CCDC152: variants seen among roughly 807,000 people sequenced by gnomAD.
CCDC152 encodes coiled-coil domain containing 152, also known as coiled-coil domain-containing protein 152.
A neutral mutation model predicts 38.1 loss-of-function variants in CCDC152; 37 were observed. The observed-to-expected ratio is 0.97, with a 90% CI of 0.75 to 1.28. The LOEUF (loss-of-function observed/expected upper bound fraction) is 1.28. Ranked by LOEUF, CCDC152 falls within the 50% of genes most tolerant of loss-of-function variation. The pLI is 0.00. For synonymous variants in CCDC152, 83 were observed against 87.1 expected, an observed-to-expected ratio of 0.95 and a Z score of 0.26; for missense variants, 259 against 292.1, an observed-to-expected ratio of 0.89 and a Z score of 0.83.
rs1760129160 is a variant in CCDC152 at position 42,799,442 on chromosome 5, A to C, written c.626A>C (p.Gln209Pro). 1.3e-6 allele frequency: 2 copies of C among 1,541,816 alleles called. No homozygotes were observed. Among genetic ancestry groups the C allele is most frequent in the East Asian group, 4.9e-5 (2 of 40,682 alleles). The change falls in exon 8 of 9, where the codon CAA becomes CCA. Residue 209 changes from glutamine (Q) to proline (P), a missense_variant. Transcript: ENST00000361970. ...KSYQDSTVLPQSIYRRKLQHF... is the reference protein window; with the variant it reads ...KSYQDSTVLPPSIYRRKLQHF... ...TATCAGGATTCTACTGTTTTGCCACAAAGTATCTACAGAAGGGTATGTGAG... is the reference window on the plus strand; with the variant it reads ...TATCAGGATTCTACTGTTTTGCCACCAAGTATCTACAGAAGGGTATGTGAG...
chr5:42,757,604 C>T (rs1202290119), intron 1 of CCDC152, among the ~76,000 whole-genome samples: 1 of 152,128 alleles, frequency 6.6e-6, no homozygotes, highest in East Asian at 1.9e-4. Flanking sequence ...AGGGCAAGAC[C>T]ATATTCACTG....
At chr5:42,765,031 A>T (rs759545920) in intron 3 of CCDC152, among the ~76,000 whole-genome samples, 3 of 152,212 alleles carry the variant, frequency 2.0e-5, no homozygotes, top group Non-Finnish European at 4.4e-5. Context: ...AAACCTAAAG[A>T]CTCAACAAGA....
At chr5:42,787,507 T>A (rs946420192) in intron 6 of CCDC152, among the ~76,000 whole-genome samples, 9 of 152,086 alleles carry the variant, frequency 5.9e-5, no homozygotes, top group African/African-American at 2.2e-4. Flanking sequence ...ACCCCACTAC[T>A]ATTGTACAGC....
intron 3 of CCDC152, among the ~76,000 whole-genome samples, chr5:42,763,168 G>GGAAA (rs1272098432): frequency 6.6e-6 from 1 of 151,978 alleles, no homozygotes; most frequent in African/African-American, 2.4e-5. Flanking sequence ...TCCTCAAAAA[G>GGAAA]GAAAAAACAA....
chr5:42,794,025 A>G (rs1230402882), intron 6 of CCDC152, among the ~76,000 whole-genome samples: 2 of 152,262 alleles, frequency 1.3e-5, no homozygotes, highest in African/African-American at 4.8e-5. Context: ...TTAATAGCCA[A>G]TTAGATACAC....
chr5:42,764,988 T>C (rs1759606138), intron 3 of CCDC152, among the ~76,000 whole-genome samples: 1 of 152,200 alleles, frequency 6.6e-6, no homozygotes, highest in African/African-American at 2.4e-5. Context: ...CAAATTATTC[T>C]TGTTTGCAGA....
In CCDC152 at chr5:42,769,653, C is replaced by A; in HGVS notation, c.250C>A (p.Gln84Lys). 6.8e-7 allele frequency: 1 copy of A among 1,480,930 alleles called. No homozygotes were observed. The highest frequency in any genetic ancestry group is 9.0e-7 in the Non-Finnish European group (1 of 1,112,074). The allele number at this position is 1,480,930 out of a possible 1,614,324, so 91.7% of individuals were successfully genotyped here. ...GCTACAACAGACCATTGAATATCAA[C>A]AGAATTTGAAAGGTAAGTTAGAAAA... is the stretch of plus-strand genomic sequence containing the variant. The part of the protein sequence containing the change: ...KGLQQTIEYQ[Q>K]NLKGENEQLK... The change falls in exon 4 of 9, where the codon CAG (glutamine) becomes AAG (lysine). Residue 84 changes from glutamine (Q) to lysine (K), a missense_variant. Physicochemically the swap from Gln to Lys is moderately conservative, Grantham distance 53. Coordinates refer to ENST00000361970, the MANE Select transcript of CCDC152 (RefSeq NM_001134848.2).
In CCDC152 at chr5:42,759,142, A is replaced by C; in HGVS notation, c.21A>C (p.Gly7=). The change falls in exon 2 of 9, where the codon GGA becomes GGC. Residue 7 remains glycine (G), a synonymous_variant. Transcript: ENST00000361970. ...CAGGCATGGACCAAAGCAGTGAAGG[A>C]TGTATGAAAAAGATTAGCAGTGTGA... MDQSSE[G]CMKKISSVNL... is the part of the protein sequence containing the mutation. 6.4e-7 allele frequency: 1 copy of C among 1,550,844 alleles called. No homozygotes were observed. The highest frequency in any genetic ancestry group is 8.7e-7 in the Non-Finnish European group (1 of 1,146,154).
Position 42,762,306 on chromosome 5 carries a change from C to T in CCDC152, c.88-137C>T, listed in dbSNP as rs1354738959. The stretch of plus-strand genomic sequence containing the variant: ...TTGATCAAAATGTCTTTATGCAGTA[C>T]ATGACTGTATATGTATTTTTTTATT... On this transcript the variant is annotated intron_variant, in intron 2 of 8. Coordinates refer to ENST00000361970, the MANE Select transcript of CCDC152 (RefSeq NM_001134848.2). The T allele has an allele frequency of 6.9e-6, 4 of 578,786 alleles. No homozygotes were observed. The African/African-American group carries it at 7.5e-5, about 11-fold the overall frequency. 35.9% of individuals were successfully genotyped at this position (578,786 alleles called of 1,614,324 possible).
intron 6 of CCDC152, among the ~76,000 whole-genome samples, chr5:42,785,527 T>G (rs1759906841): frequency 6.6e-6 from 1 of 152,022 alleles, no homozygotes; most frequent in Non-Finnish European, 1.5e-5. Flanking sequence ...ATCTTTTAGA[T>G]GAATCTTTAG....
At chr5:42,762,220 A>G (rs180802720) in intron 2 of CCDC152, among the ~76,000 whole-genome samples, 12 of 152,308 alleles carry the variant, frequency 7.9e-5, no homozygotes, top group Non-Finnish European at 1.3e-4. Flanking sequence ...AAATTGTTAC[A>G]CTTGTATAGG....
intron 2 of CCDC152, among the ~76,000 whole-genome samples, chr5:42,761,656 TACATG>T (rs1759555678): frequency 6.6e-6 from 1 of 152,118 alleles, no homozygotes; most frequent in African/African-American, 2.4e-5. Flanking sequence ...TATGTGGGTT[TACATG>T]ACATCATCTC....
chr5:42,778,332 C>A (rs368272641), intron 4 of CCDC152, among the ~76,000 whole-genome samples: 18 of 152,062 alleles, frequency 1.2e-4, no homozygotes, highest in South Asian at 2.1e-4. Context: ...GTCTCCACCC[C>A]CCAAGAGATG....
rs188374443 is a variant in CCDC152, at chr5:42,800,436, C to T, written c.*655C>T. ...ACAGAAACCCCTAGGTCATAGTTTA[C>T]GTTTCTATTCTCATTAAAGCAAATA... On this transcript the variant is annotated 3_prime_UTR_variant, in exon 9 of 9. Coordinates refer to ENST00000361970, the MANE Select transcript of CCDC152 (RefSeq NM_001134848.2). The T allele has an allele frequency of 2.2e-5, 6 of 273,820 alleles. 1 individual carries two copies. The highest frequency in any genetic ancestry group is 8.9e-5 in the South Asian group (1 of 11,198). The allele number at this position is 273,820 out of a possible 1,614,324, so 17.0% of individuals were successfully genotyped here.
chr5:42,778,429 A>T (rs1289088560), intron 4 of CCDC152, among the ~76,000 whole-genome samples: 1 of 152,210 alleles, frequency 6.6e-6, no homozygotes, highest in East Asian at 1.9e-4. Flanking sequence ...CCACTGATCT[A>T]GCCAGTGATA....
At chr5:42,776,650 G>A (rs1759771254) in intron 4 of CCDC152, among the ~76,000 whole-genome samples, 1 of 152,152 alleles carries the variant, frequency 6.6e-6, no homozygotes, top group African/African-American at 2.4e-5. Context: ...CACCAAGATA[G>A]ATCCCATTGT....
rs1760200968 is a variant in CCDC152, at chr5:42,801,448, G to T, written c.*1667G>T. 1.3e-6 allele frequency: 1 copy of T among 746,466 alleles called. No individual in the cohort carries two copies. The highest frequency in any genetic ancestry group is 2.6e-5 in the East Asian group (1 of 38,388). The allele number at this position is 746,466 out of a possible 1,614,324, so 46.2% of individuals were successfully genotyped here. A position where few individuals can be genotyped will look rare whatever the true frequency, so the allele number is the denominator to read the frequency against. On this transcript the variant is annotated 3_prime_UTR_variant, in exon 9 of 9. Coordinates refer to ENST00000361970, the MANE Select transcript of CCDC152 (RefSeq NM_001134848.2). Reference sequence around the variant, plus strand: ...CAACTAGTTAATTAGAATCGAGCTGGCTTTGTATTATATTAATGAGAAAGA... The same window carrying T: ...CAACTAGTTAATTAGAATCGAGCTGTCTTTGTATTATATTAATGAGAAAGA...
At position 42,769,641 on chromosome 5, in the gene CCDC152, A is replaced by G; in HGVS notation, c.238A>G (p.Ile80Val). 2.7e-6 allele frequency: 4 copies of G among 1,488,380 alleles called. No individual in the cohort carries two copies. The highest frequency in any genetic ancestry group is 3.6e-6 in the Non-Finnish European group (4 of 1,116,380). The allele number at this position is 1,488,380 out of a possible 1,614,324, so 92.2% of individuals were successfully genotyped here. The change falls in exon 4 of 9, where the codon ATT (isoleucine) becomes GTT (valine). Residue 80 changes from isoleucine (I) to valine (V), a missense_variant. Transcript: ENST00000361970. ...HNIIKGLQQT[I>V]EYQQNLKGEN... ...TATAATAAAAGGGCTACAACAGACCATTGAATATCAACAGAATTTGAAAGG... is the reference window on the plus strand; with the variant it reads ...TATAATAAAAGGGCTACAACAGACCGTTGAATATCAACAGAATTTGAAAGG...
At chr5:42,779,597 G>T (rs1759815345) in intron 5 of CCDC152, 75 bp downstream of exon 5, 2 of 855,300 alleles carry the variant, frequency 2.3e-6, no homozygotes, top group Non-Finnish European at 3.6e-6. Context: ...AAAAAAAGAG[G>T]TTTTTAAATT....
Sources: gnomAD v4.1 joint callset for allele counts (sites outside exome capture counted in the v4.1 genomes callset) on GRCh38, gnomAD v4.1.1 for gene constraint, MANE v1.5 for transcripts, NCBI Gene and HGNC (gene_info 2026-07-23, HGNC 2026-07-21) for gene names.